The following SNX25 variants were observed in gnomAD, a reference collection of about 807,000 sequenced individuals.
SNX25 encodes sorting nexin 25, also known as sorting nexin-25.
SNX25 carries 62 observed loss-of-function variants against 113.7 expected under a neutral mutation model. The observed-to-expected ratio is 0.55, with a 90% CI of 0.44 to 0.67. SNX25 has a LOEUF of 0.67. SNX25 is among the 30% of genes least tolerant of loss of function. The pLI, the probability that SNX25 is intolerant of heterozygous loss-of-function variation, is 0.00. For synonymous variants in SNX25, 421 were observed against 436.2 expected, an observed-to-expected ratio of 0.97 and a Z score of 0.43; for missense variants, 1,014 against 1,161.0, an observed-to-expected ratio of 0.87 and a Z score of 1.84.
At chr4:185,240,137 A>G (rs1302858138) in intron 1 of SNX25, among the ~76,000 whole-genome samples, 5 of 151,956 alleles carry the variant, frequency 3.3e-5, no homozygotes, top group Admixed American at 6.6e-5. Flanking sequence ...TTAGTACAGA[A>G]CAAAATGAAA....
upstream of SNX25, among the ~76,000 whole-genome samples, chr4:185,205,910 G>A (rs978707923): frequency 6.6e-6 from 1 of 152,102 alleles, no homozygotes; most frequent in South Asian, 2.1e-4. Flanking sequence ...ATATACCAAT[G>A]GCCAATAAAC....
intron 7 of SNX25, among the ~76,000 whole-genome samples, chr4:185,314,237 T>C (rs3108294): frequency 0.56 from 84,068 of 150,022 alleles, 24,008 homozygotes; most frequent in East Asian, 0.75. Context: ...TGCTGGTAAT[T>C]CCAGCACTTG....
At chr4:185,351,146 G>A (rs1345717120) in intron 13 of SNX25, among the ~76,000 whole-genome samples, 1 of 152,224 alleles carries the variant, frequency 6.6e-6, no homozygotes, top group Non-Finnish European at 1.5e-5. Context: ...TGTAAAGTAA[G>A]AATTTTCTGT....
intron 7 of SNX25, among the ~76,000 whole-genome samples, chr4:185,316,409 A>G (rs377696032): frequency 6.6e-6 from 1 of 152,318 alleles, no homozygotes; most frequent in South Asian, 2.1e-4. Flanking sequence ...ATTGAAACCT[A>G]CATGTATCTA....
At chr4:185,297,096 A>C (rs1348085642) in intron 6 of SNX25, among the ~76,000 whole-genome samples, 1 of 151,632 alleles carries the variant, frequency 6.6e-6, no homozygotes, top group Admixed American at 6.6e-5. Flanking sequence ...CAGCTTTTAA[A>C]TGTTGGAGTT....
At chr4:185,353,336 G>A (rs1374191460) in intron 14 of SNX25, 149 bp from the exon 15 acceptor site, 2 of 600,820 alleles carry the variant, frequency 3.3e-6, no homozygotes, top group African/African-American at 3.7e-5. Context: ...TGTCCTCTGT[G>A]TTGAAAATGG....
At chr4:185,276,250 A>C (rs537688306) in intron 5 of SNX25, among the ~76,000 whole-genome samples, 2 of 152,246 alleles carry the variant, frequency 1.3e-5, no homozygotes, top group Non-Finnish European at 2.9e-5. Flanking sequence ...AAAGTACTTA[A>C]CTCAAGATAT....
intron 1 of SNX25, among the ~76,000 whole-genome samples, chr4:185,240,201 A>T (rs570426654): frequency 6.6e-6 from 1 of 152,148 alleles, no homozygotes; most frequent in South Asian, 2.1e-4. Context: ...CCGATTTCTC[A>T]GTCTTTTCCC....
In SNX25 at chr4:185,277,975, G is replaced by A. The variant is rs1226244879; in HGVS notation, c.1092-10037G>A. Among the ~76,000 whole-genome samples the A allele has an allele frequency of 2.0e-4, 9 of 45,196 alleles. 4 individuals are homozygous for A. The highest frequency in any genetic ancestry group is 4.4e-4 in the Non-Finnish European group (9 of 20,234). 29.7% of individuals were successfully genotyped at this position (45,196 alleles called of 152,430 possible). A position where few individuals can be genotyped will look rare whatever the true frequency, so the allele number is the denominator to read the frequency against. On this transcript the variant is annotated intron_variant, in intron 5 of 18. Transcript: ENST00000652585. ...TCTCGATCTCCTGACCTCGTGATCC[G>A]CCCGCCTCGGCCTCCCAAAGTGCTG...
At chr4:185,274,257 C>T (rs1749345963) in intron 5 of SNX25, among the ~76,000 whole-genome samples, 1 of 152,104 alleles carries the variant, frequency 6.6e-6, no homozygotes, top group African/African-American at 2.4e-5. Flanking sequence ...GACAGGATTT[C>T]ACCATATTGG....
intron 17 of SNX25, 109 bp downstream of exon 17, chr4:185,362,214 A>G: frequency 7.0e-7 from 1 of 1,419,220 alleles, no homozygotes; most frequent in East Asian, 2.5e-5. Flanking sequence ...ACAATGAAAA[A>G]AAAAAGGATC....
chr4:185,339,724 A>T (rs1387440486), intron 11 of SNX25, among the ~76,000 whole-genome samples: 1 of 152,158 alleles, frequency 6.6e-6, no homozygotes, highest in African/African-American at 2.4e-5. Flanking sequence ...ATCTCACTCC[A>T]CTTCAAACAG....
intron 1 of SNX25, among the ~76,000 whole-genome samples, chr4:185,223,630 A>C (rs1740365249): frequency 6.6e-6 from 1 of 151,916 alleles, no homozygotes; most frequent in Admixed American, 6.6e-5. Flanking sequence ...AAATACAAAA[A>C]ATTAGCCGGG....
chr4:185,348,094 AAAT>A (rs1478226907), intron 13 of SNX25, among the ~76,000 whole-genome samples: 2 of 152,230 alleles, frequency 1.3e-5, no homozygotes, highest in African/African-American at 2.4e-5. Context: ...GTCTGTTTTT[AAAT>A]AATAAGGCCA....
At chr4:185,253,077 G>T (rs901973445) in intron 2 of SNX25, among the ~76,000 whole-genome samples, 15 of 70,020 alleles carry the variant, frequency 2.1e-4, no homozygotes, top group African/African-American at 4.1e-4. Context: ...GGAAAAAGAC[G>T]ACTTCTAAAA....
At chr4:185,212,491 G>GTGTTTCTGTTTTTT (rs546083196) in intron 1 of SNX25, among the ~76,000 whole-genome samples, 2 of 104,940 alleles carry the variant, frequency 1.9e-5, no homozygotes, top group African/African-American at 3.7e-5. Flanking sequence ...GTGTGTGTGT[G>GTGTTTCTGTTTTTT]TTTTTTTTTT....
chr4:185,246,521 A>G (rs1032714981), intron 1 of SNX25, among the ~76,000 whole-genome samples: 2 of 151,896 alleles, frequency 1.3e-5, no homozygotes, highest in African/African-American at 4.8e-5. Context: ...TTTATTGGTC[A>G]TTTGTTTATC....
At chr4:185,211,563 G>A (rs1012634825) in intron 1 of SNX25, among the ~76,000 whole-genome samples, 1 of 152,164 alleles carries the variant, frequency 6.6e-6, no homozygotes, top group Non-Finnish European at 1.5e-5. Flanking sequence ...ACTGTAAGAT[G>A]TTATAATTCA....
chr4:185,331,807 C>T lies in SNX25; in HGVS notation c.1750-788C>T, dbSNP rs117922060. Among the ~76,000 whole-genome samples, 944 of 152,220 alleles carry T rather than the reference C, an allele frequency of 6.2e-3. 15 individuals are homozygous for T. The highest frequency in any genetic ancestry group is 0.049 in the South Asian group (238 of 4,812). ...AAAAAACAAACAAAAAAACCCATGACAACAGCCTATTTTTCTATGACCATT... is the reference window on the plus strand; with the variant it reads ...AAAAAACAAACAAAAAAACCCATGATAACAGCCTATTTTTCTATGACCATT... On this transcript the variant is annotated intron_variant, in intron 9 of 18. Coordinates refer to ENST00000652585, the MANE Select transcript of SNX25 (RefSeq NM_001378034.2).
Sources: allele counts gnomAD v4.1 joint callset (sites outside exome capture counted in the v4.1 genomes callset), GRCh38; gene constraint gnomAD v4.1.1; transcripts MANE v1.5; gene names NCBI Gene and HGNC (gene_info 2026-07-23, HGNC 2026-07-21).